Variants in ATIC observed in about 807,000 individuals in gnomAD.
ATIC encodes the protein 5-aminoimidazole-4-carboxamide ribonucleotide formyltransferase/IMP cyclohydrolase, also known as bifunctional purine biosynthesis protein ATIC.
A neutral mutation model predicts 72.5 loss-of-function variants in ATIC; 64 were observed. The ratio of observed to expected loss-of-function variants is 0.88; its 90% CI spans 0.72 to 1.09. The LOEUF (loss-of-function observed/expected upper bound fraction) is 1.09, where lower values mean the gene tolerates loss of function less well. ATIC is among the 50% of genes least tolerant of loss of function. The pLI is 0.00. For missense variants in ATIC, 787 were observed against 732.4 expected (o/e 1.07, Z -0.86); for synonymous variants, 281 against 267.1 (o/e 1.05, Z -0.51).
intron 2 of ATIC, among the ~76,000 whole-genome samples, chr2:215,314,882 A>G (rs1233235948): frequency 6.6e-6 from 1 of 152,204 alleles, no homozygotes; most frequent in Non-Finnish European, 1.5e-5. Context: ...ACAGGTTATA[A>G]TAAGAGAAAA....
At chr2:215,360,530 G>A in the ATIC span, 1 of 152,214 alleles carries the variant, frequency 6.6e-6, no homozygotes, top group African/African-American at 2.4e-5. Flanking sequence ...AAGGAAAGGT[G>A]GAGGGAAGAA....
intron 2 of ATIC, among the ~76,000 whole-genome samples, chr2:215,315,696 A>G (rs1158876041): frequency 6.6e-6 from 1 of 152,048 alleles, no homozygotes; most frequent in East Asian, 1.9e-4. Flanking sequence ...CACCCCTGTA[A>G]TCCCAGCACT....
chr2:215,367,802 A>C, the ATIC span: 1 of 1,527,932 alleles, frequency 6.5e-7, no homozygotes. Context: ...TTGGCACATG[A>C]GTGCATGCAT....
At chr2:215,314,935 C>G (rs2052693243) in intron 2 of ATIC, among the ~76,000 whole-genome samples, 1 of 152,108 alleles carries the variant, frequency 6.6e-6, no homozygotes, top group Non-Finnish European at 1.5e-5. Context: ...GACATGAGAG[C>G]CTTCAGAATG....
At chr2:215,360,193 C>T in the ATIC span, among the ~76,000 whole-genome samples, 2 of 152,210 alleles carry the variant, frequency 1.3e-5, no homozygotes, top group African/African-American at 4.8e-5. Flanking sequence ...CTGCCTCAGC[C>T]TCCCAAAGTG....
intron 11 of ATIC, among the ~76,000 whole-genome samples, chr2:215,338,344 A>C (rs893564066): frequency 6.6e-6 from 1 of 152,220 alleles, no homozygotes; most frequent in Non-Finnish European, 1.5e-5. Context: ...GATTTTTAGA[A>C]AGGAAAATTA....
At chr2:215,338,502 T>C (rs1331692874) in intron 11 of ATIC, among the ~76,000 whole-genome samples, 1 of 152,162 alleles carries the variant, frequency 6.6e-6, no homozygotes, top group Non-Finnish European at 1.5e-5. Context: ...GGTTGTAAAA[T>C]CTATAAAATA....
In ATIC at chr2:215,332,505, C is replaced by CA; in HGVS notation, c.813dup (p.Gly272ArgfsTer10). ...GCCTCTTTCAAACATGTCAGCCCAG[C>CA]AGGTAAAGCTCTGTGCTCTGGAAAG... On this transcript the variant is annotated frameshift_variant and splice_region_variant, in exon 8 of 16. Coordinates refer to ENST00000236959, the MANE Select transcript of ATIC (RefSeq NM_004044.7). LOFTEE classifies it high-confidence loss of function. 1 of 1,614,080 alleles carries CA rather than the reference C, an allele frequency of 6.2e-7. No individual in the cohort carries two copies. The highest frequency in any genetic ancestry group is 8.5e-7 in the Non-Finnish European group (1 of 1,180,024).
rs748472238 is a variant in ATIC, at chr2:215,312,205, GC to G, written c.19+50del. 19 of 1,480,920 alleles carry G rather than the reference GC, an allele frequency of 1.3e-5. No homozygotes were observed. In the East Asian group the frequency reaches 1.4e-4, roughly 11 times the overall value. 91.7% of individuals were successfully genotyped at this position (1,480,920 alleles called of 1,614,324 possible). A position where few individuals can be genotyped will look rare whatever the true frequency, so the allele number is the denominator to read the frequency against. Reference sequence around the variant, plus strand: ...GGCGCGGTCTGCGTCCTCGCCTGCGGCCCCCCACGCTCCCGCCTTGGCGGCG... The same window carrying G: ...GGCGCGGTCTGCGTCCTCGCCTGCGGCCCCCACGCTCCCGCCTTGGCGGCG... On this transcript the variant is annotated intron_variant, in intron 1 of 15. Coordinates refer to ENST00000236959, the MANE Select transcript of ATIC (RefSeq NM_004044.7).
At chr2:215,348,460 A>T (rs1475528862) in intron 14 of ATIC, among the ~76,000 whole-genome samples, 1 of 152,224 alleles carries the variant, frequency 6.6e-6, no homozygotes, top group East Asian at 1.9e-4. Context: ...TAGAGATTTT[A>T]AAACAGTGTA....
At chr2:215,319,610 C>T in intron 3 of ATIC, 55 bp from the exon 4 acceptor site, 7 of 1,287,072 alleles carry the variant, frequency 5.4e-6, no homozygotes, top group Non-Finnish European at 7.9e-6. Context: ...AAAGACATTC[C>T]TTAATCTGAC....
intron 12 of ATIC, among the ~76,000 whole-genome samples, chr2:215,343,905 G>C (rs1267007001): frequency 3.3e-5 from 5 of 152,166 alleles, no homozygotes; most frequent in Non-Finnish European, 7.4e-5. Flanking sequence ...ACTAAAGATA[G>C]TGATATTTTT....
intron 7 of ATIC, among the ~76,000 whole-genome samples, chr2:215,327,296 G>T (rs1009475781): frequency 6.6e-6 from 1 of 152,164 alleles, no homozygotes; most frequent in South Asian, 2.1e-4. Context: ...TGGGGTAAAG[G>T]CTTGGTAGGT....
chr2:215,365,126 G>A, the ATIC span: 1 of 718,590 alleles, frequency 1.4e-6, no homozygotes, highest in Non-Finnish European at 2.5e-6. Flanking sequence ...ATCCCTAAGA[G>A]CAGTACTGCT....
At chr2:215,355,555 A>G in the ATIC span, among the ~76,000 whole-genome samples, 1 of 152,198 alleles carries the variant, frequency 6.6e-6, no homozygotes, top group Non-Finnish European at 1.5e-5. Context: ...TCCCTTCCTC[A>G]GAGCACAGAA....
At chr2:215,347,575 A>AT (rs2053085188) in intron 14 of ATIC, 2 of 488,606 alleles carry the variant, frequency 4.1e-6, no homozygotes, top group Admixed American at 4.6e-5. Context: ...CAAATACTAG[A>AT]TGGTCTTCTG....
In ATIC at chr2:215,346,369, C is replaced by G. The variant is rs2053070781; in HGVS notation, c.1321-390C>G. ...TTTTGTAGAGATGAGATGTTGCCATCTTGCCCAGGCTGGTCTCCTGAGCTC... is the reference window on the plus strand; with the variant it reads ...TTTTGTAGAGATGAGATGTTGCCATGTTGCCCAGGCTGGTCTCCTGAGCTC... On this transcript the variant is annotated intron_variant, in intron 13 of 15. Coordinates refer to ENST00000236959, the MANE Select transcript of ATIC (RefSeq NM_004044.7). 4.6e-5 allele frequency among the ~76,000 whole-genome samples: 7 copies of G among 152,132 alleles called. No individual in the cohort carries two copies. The South Asian group carries it at 1.4e-3, about 32-fold the overall frequency.
chr2:215,316,923 T>C (rs1319712766), intron 2 of ATIC, among the ~76,000 whole-genome samples: 1 of 152,080 alleles, frequency 6.6e-6, no homozygotes, highest in Non-Finnish European at 1.5e-5. Flanking sequence ...CCACCATGCC[T>C]GGCTAATTTT....
intron 4 of ATIC, among the ~76,000 whole-genome samples, chr2:215,320,506 C>T (rs1328128898): frequency 2.0e-5 from 3 of 152,180 alleles, no homozygotes; most frequent in Admixed American, 2.0e-4. Context: ...TGGCATATCC[C>T]ATGAGAGAAG....
Sources: gnomAD v4.1 joint callset for allele counts (sites outside exome capture counted in the v4.1 genomes callset) on GRCh38, gnomAD v4.1.1 for gene constraint, MANE v1.5 for transcripts, NCBI Gene and HGNC (gene_info 2026-07-23, HGNC 2026-07-21) for gene names.